CNOT1: variants seen among roughly 807,000 people sequenced by gnomAD.
CNOT1 encodes CCR4-associated factor 1.
Under a neutral mutation model 273.8 loss-of-function variants are expected in CNOT1, and 15 were observed. The observed-to-expected ratio is 0.05, with a 90% CI of 0.04 to 0.08. The LOEUF (loss-of-function observed/expected upper bound fraction) is 0.08. CNOT1 is among the 10% of genes least tolerant of loss of function. The pLI, the probability that CNOT1 is intolerant of heterozygous loss-of-function variation, is 1.00. For synonymous variants in CNOT1, 1,022 were observed against 1,005.5 expected, an observed-to-expected ratio of 1.02 and a Z score of -0.31; for missense variants, 1,644 against 2,912.2, an observed-to-expected ratio of 0.56 and a Z score of 10.02.
At chr16:58,539,119 T>C (rs1407212866) in intron 35 of CNOT1, among the ~76,000 whole-genome samples, 1 of 151,812 alleles carries the variant, frequency 6.6e-6, no homozygotes, top group Non-Finnish European at 1.5e-5. Context: ...CTCTTCATTG[T>C]CATAAAAGGC....
At chr16:58,526,328 T>C (rs1266539278) in intron 44 of CNOT1, among the ~76,000 whole-genome samples, 190 bp from the exon 45 acceptor site, 1 of 151,954 alleles carries the variant, frequency 6.6e-6, no homozygotes, top group Non-Finnish European at 1.5e-5. Flanking sequence ...GATAAAAATT[T>C]CCCACTCTAT....
intron 14 of CNOT1, 130 bp downstream of exon 14, chr16:58,576,333 A>G: frequency 3.0e-6 from 4 of 1,353,212 alleles, no homozygotes; most frequent in Non-Finnish European, 4.0e-6. Context: ...GCTGGTCTCG[A>G]ATTCCTGACC....
chr16:58,575,196 T>A, intron 14 of CNOT1, 67 bp from the exon 15 acceptor site: 14 of 1,561,280 alleles, frequency 9.0e-6, no homozygotes, highest in Non-Finnish European at 1.1e-5. Context: ...TCCCATATTC[T>A]GTTTTTCGCT....
chr16:58,628,394 G>C (rs540969403), intron 1 of CNOT1, among the ~76,000 whole-genome samples: 6 of 152,146 alleles, frequency 3.9e-5, no homozygotes, highest in African/African-American at 1.2e-4. Context: ...AATACCAACC[G>C]GGACCACAGA....
chr16:58,522,287 A>G (rs1455099896), intron 47 of CNOT1, among the ~76,000 whole-genome samples: 1 of 148,938 alleles, frequency 6.7e-6, no homozygotes, highest in Non-Finnish European at 1.5e-5. Flanking sequence ...GCTAGTTCAC[A>G]TGTAAATTGG....
At chr16:58,628,077 C>G (rs2043659675) in intron 1 of CNOT1, among the ~76,000 whole-genome samples, 1 of 152,222 alleles carries the variant, frequency 6.6e-6, no homozygotes. Context: ...ATTCACCTAC[C>G]TTGGCCTCCC....
rs1304824854 is a variant in CNOT1, at chr16:58,599,136, T to TA, written c.102+99dup. 1.0e-5 allele frequency: 15 copies of TA among 1,505,638 alleles called. No homozygotes were observed. The East Asian group carries it at 2.8e-4, about 28-fold the overall frequency. 93.3% of individuals were successfully genotyped at this position (1,505,638 alleles called of 1,614,324 possible). On this transcript the variant is annotated intron_variant, in intron 2 of 48. Transcript: ENST00000317147. ...ATCACTTGAATTAAGGGGCAAAAGT[T>TA]AGTTACCTTTCATGCAACATGCCCA...
intron 1 of CNOT1, 74 bp from the exon 2 acceptor site, chr16:58,599,585 G>C: frequency 1.9e-6 from 1 of 518,990 alleles, no homozygotes; most frequent in Non-Finnish European, 3.4e-6. Context: ...TCCAGGCGCA[G>C]TGGTGTTTAC....
chr16:58,612,421 C>G (rs1179050039), intron 1 of CNOT1, among the ~76,000 whole-genome samples: 1 of 151,936 alleles, frequency 6.6e-6, no homozygotes, highest in African/African-American at 2.4e-5. Context: ...GTCTTTTTTT[C>G]ACTCTCTTTC....
At chr16:58,530,193 T>C (rs2039735338) in intron 43 of CNOT1, 53 bp downstream of exon 43, 1 of 1,419,462 alleles carries the variant, frequency 7.0e-7, no homozygotes, top group African/African-American at 1.4e-5. Context: ...TCCTAAAGTG[T>C]ATTTTCTTAA....
intron 1 of CNOT1, among the ~76,000 whole-genome samples, chr16:58,608,425 C>T (rs921582450): frequency 1.3e-5 from 2 of 151,708 alleles, no homozygotes; most frequent in Admixed American, 6.6e-5. Flanking sequence ...CATAGTGGCT[C>T]GTGCCTGTAA....
At chr16:58,537,285 T>G in intron 38 of CNOT1, 65 bp from the exon 39 acceptor site, 2 of 1,520,234 alleles carry the variant, frequency 1.3e-6, no homozygotes, top group Non-Finnish European at 1.8e-6. Flanking sequence ...GACATACGCA[T>G]GTATAGTTTG....
At chr16:58,578,559 A>T in intron 13 of CNOT1, 140 bp downstream of exon 13, 1 of 1,354,024 alleles carries the variant, frequency 7.4e-7, no homozygotes, top group Non-Finnish European at 9.5e-7. Context: ...AAGATAAAAC[A>T]AGTTTTATGA....
chr16:58,599,320 G>C lies in CNOT1; in HGVS notation c.18C>G (p.Leu6=), dbSNP rs2152007486. 1.2e-6 allele frequency: 2 copies of C among 1,614,214 alleles called. No homozygotes were observed. Among genetic ancestry groups the C allele is most frequent in the Non-Finnish European group, 1.7e-6 (2 of 1,180,052 alleles). The change falls in exon 2 of 49, where the codon CTC becomes CTG. Residue 6 remains leucine (L), a synonymous_variant. Transcript: ENST00000317147. The part of the protein sequence containing the change: MNLDS[L]SLALSQISYL... The stretch of plus-strand genomic sequence containing the variant: ...AGCTGATTTGAGACAAGGCCAGCGA[G>C]AGCGAGTCAAGATTCATTGCTGGTT...
intron 21 of CNOT1, among the ~76,000 whole-genome samples, chr16:58,554,941 A>AAAAAAG: frequency 6.7e-6 from 1 of 150,076 alleles, no homozygotes; most frequent in Non-Finnish European, 1.5e-5. Context: ...ATCTCAAAAA[A>AAAAAAG]AAAAAAAAAA....
intron 22 of CNOT1, among the ~76,000 whole-genome samples, chr16:58,553,527 G>A (rs1444267130): frequency 6.7e-6 from 1 of 150,242 alleles, no homozygotes; most frequent in Admixed American, 6.6e-5. Flanking sequence ...CTGCATTACA[G>A]GTTAAAAGAA....
rs770271331 is a variant in CNOT1 at position 58,547,532 on chromosome 16, A to G, written c.3639+34T>C. On this transcript the variant is annotated intron_variant, in intron 26 of 48. Transcript: ENST00000317147. This position sits in a 1 kb window ranked among gnomAD's most constrained non-coding sequence, Gnocchi z 4.0. ...TACTTGTAATCATAATGTGCTGAAG[A>G]TTCTCAATTTTTACACATTTAGATG... The G allele has an allele frequency of 6.3e-7, 1 of 1,587,386 alleles. No homozygotes were observed.
chr16:58,625,082 T>C lies in CNOT1; in HGVS notation c.-175+4646A>G, dbSNP rs554764791. Among the ~76,000 whole-genome samples the C allele has an allele frequency of 2.0e-5, 3 of 152,114 alleles. No homozygotes were observed. In the South Asian group the frequency reaches 6.2e-4, roughly 32 times the overall value. ...GGGAAACACAGTGAAACCTCACCTC[T>C]ACCAAAAAAATACAAAAATTAGGCC... On this transcript the variant is annotated intron_variant, in intron 1 of 48. Coordinates refer to ENST00000317147, the MANE Select transcript of CNOT1 (RefSeq NM_016284.5).
At chr16:58,618,803 T>C (rs547421459) in intron 1 of CNOT1, among the ~76,000 whole-genome samples, 13 of 152,318 alleles carry the variant, frequency 8.5e-5, no homozygotes, top group Admixed American at 7.2e-4. Context: ...ATACACATAT[T>C]AATCAAGCAA....
Sources: gnomAD v4.1 joint callset for allele counts (sites outside exome capture counted in the v4.1 genomes callset) on GRCh38, gnomAD v4.1.1 for gene constraint, Gnocchi (gnomAD v3.1) non-coding constraint, MANE v1.5 for transcripts, NCBI Gene and HGNC (gene_info 2026-07-23, HGNC 2026-07-21) for gene names.